Variants in APOH observed in about 807,000 individuals in gnomAD.
APOH encodes beta-2-glycoprotein 1.
A neutral mutation model predicts 39.8 loss-of-function variants in APOH; 48 were observed. The ratio of observed to expected loss-of-function variants is 1.21; its 90% CI spans 0.96 to 1.54. The LOEUF (loss-of-function observed/expected upper bound fraction) is 1.54, where lower values mean the gene tolerates loss of function less well. Ranked by LOEUF, APOH falls within the 40% of genes most tolerant of loss-of-function variation. The probability of loss-of-function intolerance (pLI) is 0.00; values close to 1 mark genes in which losing one functional copy is unlikely to be tolerated. For missense variants in APOH, 415 were observed against 421.2 expected, an observed-to-expected ratio of 0.99 and a Z score of 0.13; for synonymous variants, 153 against 151.1, an observed-to-expected ratio of 1.01 and a Z score of -0.09.
intron 5 of APOH, among the ~76,000 whole-genome samples, chr17:66,217,190 A>C (rs576221162): frequency 3.9e-5 from 6 of 152,340 alleles, no homozygotes; most frequent in Admixed American, 1.3e-4. Flanking sequence ...AAGTAAATTA[A>C]TGAGACTTCA....
At chr17:66,224,571 G>A (rs565649887) in intron 3 of APOH, among the ~76,000 whole-genome samples, 3 of 139,852 alleles carry the variant, frequency 2.1e-5, no homozygotes, top group African/African-American at 5.4e-5. Flanking sequence ...AAAGAAAGAC[G>A]GAAGGAAGGG....
chr17:66,220,615 A>G lies in APOH; in HGVS notation c.543T>C (p.Phe181=). Residue 181 remains phenylalanine (F), a synonymous_variant, in exon 5 of 8, where the codon TTT becomes TTC. Transcript: ENST00000205948. ...VFECLPQHAM[F]GNDTITCTTH... ...TCGTGCAGGTAATTGTATCATTTCC[A>G]AACATCGCATGTTGTGGCAAACATT... The G allele has an allele frequency of 1.9e-6, 3 of 1,614,206 alleles. No individual in the cohort carries two copies. The highest frequency in any genetic ancestry group is 2.5e-6 in the Non-Finnish European group (3 of 1,180,030).
At chr17:66,216,673 T>A (rs1212024014) in intron 6 of APOH, 115 bp downstream of exon 6, 2 of 1,080,512 alleles carry the variant, frequency 1.9e-6, no homozygotes, top group Non-Finnish European at 2.6e-6. Flanking sequence ...TGCCAGCAGT[T>A]TCCTAGCAAG....
intron 3 of APOH, 58 bp from the exon 4 acceptor site, chr17:66,223,832 A>C: frequency 1.1e-5 from 15 of 1,422,124 alleles, no homozygotes; most frequent in Non-Finnish European, 1.5e-5. Context: ...TGACATCTCA[A>C]ATATCTTCTC....
chr17:66,215,828 C>T (rs118059834), intron 6 of APOH, among the ~76,000 whole-genome samples: 6 of 152,212 alleles, frequency 3.9e-5, no homozygotes, highest in East Asian at 3.9e-4. Context: ...AGCAGAGAGA[C>T]GGAAATGGGA....
intron 3 of APOH, among the ~76,000 whole-genome samples, chr17:66,224,859 G>T (rs897746163): frequency 2.0e-5 from 3 of 151,950 alleles, no homozygotes; most frequent in Non-Finnish European, 4.4e-5. Flanking sequence ...ACAAGGTCAG[G>T]AGTCCAAGAC....
intron 3 of APOH, among the ~76,000 whole-genome samples, chr17:66,224,595 G>A (rs1464442927): frequency 7.5e-6 from 1 of 134,140 alleles, no homozygotes; most frequent in Non-Finnish European, 1.5e-5. Context: ...GAGGGAAAGA[G>A]AAAGAAAGAA....
chr17:66,223,551 A>C (rs1402181146), intron 4 of APOH, 147 bp downstream of exon 4: 1 of 696,424 alleles, frequency 1.4e-6, no homozygotes, highest in African/African-American at 1.8e-5. Context: ...CATCTTCTAG[A>C]GCAAGATACC....
At chr17:66,223,192 C>T (rs901019181) in intron 4 of APOH, among the ~76,000 whole-genome samples, 12 of 152,232 alleles carry the variant, frequency 7.9e-5, no homozygotes, top group African/African-American at 2.9e-4. Context: ...GAAGGCAAAG[C>T]TGCCTCCTTT....
intron 2 of APOH, 66 bp downstream of exon 2, chr17:66,227,954 C>A: frequency 2.0e-6 from 3 of 1,534,730 alleles, no homozygotes; most frequent in Non-Finnish European, 2.7e-6. Context: ...GACGAGGTAG[C>A]TTATTCCTCC....
intron 4 of APOH, among the ~76,000 whole-genome samples, chr17:66,222,978 G>A (rs1443914528): frequency 1.3e-5 from 2 of 152,168 alleles, no homozygotes; most frequent in East Asian, 1.9e-4. Context: ...ACAAGTTGGG[G>A]AACATAAGAA....
intron 2 of APOH, among the ~76,000 whole-genome samples, chr17:66,226,865 A>G (rs182246692): frequency 1.3e-5 from 2 of 151,290 alleles, no homozygotes; most frequent in Admixed American, 1.3e-4. Context: ...TTCCAGAGTT[A>G]TAGCTGATTT....
intron 5 of APOH, 53 bp from the exon 6 acceptor site, chr17:66,217,020 G>T (rs1342188885): frequency 7.2e-7 from 1 of 1,393,128 alleles, no homozygotes; most frequent in Non-Finnish European, 9.6e-7. Context: ...CTATCCAATA[G>T]TCATGAAATA....
At chr17:66,224,609 AAAAG>A (rs149091296) in intron 3 of APOH, among the ~76,000 whole-genome samples, 32 of 140,654 alleles carry the variant, frequency 2.3e-4, no homozygotes, top group South Asian at 6.7e-4. Context: ...GAAAGAAAGA[AAAAG>A]AAAGAAAGAA....
intron 5 of APOH, among the ~76,000 whole-genome samples, chr17:66,218,295 T>C (rs527744433): frequency 5.3e-4 from 81 of 152,044 alleles, no homozygotes; most frequent in African/African-American, 1.9e-3. Flanking sequence ...CACTATGTGC[T>C]TCCTGATATG....
At chr17:66,225,273 C>T (rs2073432840) in intron 3 of APOH, among the ~76,000 whole-genome samples, 1 of 152,074 alleles carries the variant, frequency 6.6e-6, no homozygotes, top group African/African-American at 2.4e-5. Flanking sequence ...ACAGGGGTGC[C>T]TTTGCTCCTT....
At chr17:66,212,975 CA>C (rs2073344635) in intron 7 of APOH, among the ~76,000 whole-genome samples, 1 of 152,150 alleles carries the variant, frequency 6.6e-6, no homozygotes, top group Admixed American at 6.5e-5. Context: ...GCAATTTATT[CA>C]GTGCATTTGT....
intron 5 of APOH, among the ~76,000 whole-genome samples, chr17:66,218,116 T>C (rs571976661): frequency 1.5e-4 from 23 of 152,322 alleles, no homozygotes; most frequent in African/African-American, 4.1e-4. Flanking sequence ...AGGATCATCA[T>C]TGGATTCTAC....
intron 2 of APOH, among the ~76,000 whole-genome samples, chr17:66,226,359 G>A (rs1478953325): frequency 5.9e-5 from 9 of 152,100 alleles, no homozygotes; most frequent in South Asian, 2.1e-4. Context: ...TTGGACAGGC[G>A]GGGAGCAGTG....
Sources: allele counts gnomAD v4.1 joint callset (sites outside exome capture counted in the v4.1 genomes callset), GRCh38; gene constraint gnomAD v4.1.1; transcripts MANE v1.5; gene names NCBI Gene and HGNC (gene_info 2026-07-23, HGNC 2026-07-21).